Variants in PCDHGA3 observed in about 807,000 individuals in gnomAD.
The protein encoded by PCDHGA3 is protocadherin gamma-A3.
PCDHGA3 carries 40 observed loss-of-function variants against 58.5 expected under a neutral mutation model. That is an observed-to-expected ratio of 0.68 (90% CI 0.53 to 0.89). The LOEUF (loss-of-function observed/expected upper bound fraction) is 0.89, where lower values mean the gene tolerates loss of function less well. PCDHGA3 is among the 40% of genes least tolerant of loss of function. PCDHGA3 has a pLI of 0.00. For missense variants in PCDHGA3, 1,223 were observed against 1,195.9 expected (o/e 1.02, Z -0.33); for synonymous variants, 530 against 525.7 (o/e 1.01, Z -0.11).
Position 141,366,053 on chromosome 5 carries a change from G to C in PCDHGA3, c.2424+19596G>C, listed in dbSNP as rs202185929. 161 of 1,614,252 alleles carry C rather than the reference G, an allele frequency of 1.0e-4. 1 individual carries two copies. The African/African-American group carries it at 1.7e-3, about 17-fold the overall frequency. On this transcript the variant is annotated intron_variant, in intron 1 of 3. Transcript: ENST00000253812. ...CCTCCCCACAGACGGTTCCACGGGCGTGGAGCTGGCGCCTCGCTCCGCAGA... is the reference window on the plus strand; with the variant it reads ...CCTCCCCACAGACGGTTCCACGGGCCTGGAGCTGGCGCCTCGCTCCGCAGA...
At chr5:141,414,899 G>T (rs756810046) in intron 1 of PCDHGA3, 1 of 1,614,182 alleles carries the variant, frequency 6.2e-7, no homozygotes, top group Non-Finnish European at 8.5e-7. Context: ...CCCACAGACG[G>T]TTCCACAGGC....
chr5:141,385,529 T>G (rs568078652), intron 1 of PCDHGA3: 1 of 1,354,768 alleles, frequency 7.4e-7, no homozygotes, highest in South Asian at 2.0e-5. Context: ...TGGACAAGAT[T>G]ATGAATATGT....
At chr5:141,418,944 C>T in intron 1 of PCDHGA3, 1 of 1,614,026 alleles carries the variant, frequency 6.2e-7, no homozygotes, top group Non-Finnish European at 8.5e-7. Context: ...GATTCCCCTC[C>T]AGGAGTGGTT....
chr5:141,492,720 A>G (rs1161942205), intron 1 of PCDHGA3, among the ~76,000 whole-genome samples: 1 of 152,256 alleles, frequency 6.6e-6, no homozygotes, highest in East Asian at 1.9e-4. Context: ...GCAGGCGGAC[A>G]GGCAGAGCTG....
chr5:141,417,923 C>T, intron 1 of PCDHGA3: 1 of 1,608,652 alleles, frequency 6.2e-7, no homozygotes, highest in Non-Finnish European at 8.5e-7. Context: ...TCCTTTGCTG[C>T]TGCCTTTGTT....
At chr5:141,437,040 C>G (rs188070264) in intron 1 of PCDHGA3, among the ~76,000 whole-genome samples, 1 of 152,266 alleles carries the variant, frequency 6.6e-6, no homozygotes, top group African/African-American at 2.4e-5. Flanking sequence ...ATCACCGAAA[C>G]CAGAAGGCTG....
At chr5:141,409,436 C>G (rs368696166) in intron 1 of PCDHGA3, 2 of 1,613,982 alleles carry the variant, frequency 1.2e-6, no homozygotes, top group Non-Finnish European at 1.7e-6. Flanking sequence ...AGCCCTGGAC[C>G]GAGAGCAGAC....
At position 141,374,995 on chromosome 5, in the gene PCDHGA3, T is replaced by C. The variant is rs551496415; in HGVS notation, c.2424+28538T>C. ...TTTTGACTGGAGAAATTTCAACTTC[T>C]GCAAATCTAGACTATGAGGACTCGA... On this transcript the variant is annotated intron_variant, in intron 1 of 3. Transcript: ENST00000253812. 4 of 1,613,956 alleles carry C rather than the reference T, an allele frequency of 2.5e-6. No individual in the cohort carries two copies. The Admixed American group carries it at 5.0e-5, about 20-fold the overall frequency.
intron 3 of PCDHGA3, among the ~76,000 whole-genome samples, chr5:141,509,022 C>G (rs2099873807): frequency 6.6e-6 from 1 of 152,206 alleles, no homozygotes; most frequent in East Asian, 1.9e-4. Context: ...CAGCTGCTCC[C>G]TCCCACTCAA....
intron 1 of PCDHGA3, chr5:141,376,743 G>A (rs894394205): frequency 9.7e-5 from 48 of 493,300 alleles, no homozygotes; most frequent in Non-Finnish European, 1.5e-4. Flanking sequence ...GCGGACTGCA[G>A]TGGCGCAATC....
At chr5:141,458,984 C>T (rs2098958355) in intron 1 of PCDHGA3, among the ~76,000 whole-genome samples, 1 of 152,204 alleles carries the variant, frequency 6.6e-6, no homozygotes, top group Non-Finnish European at 1.5e-5. Context: ...CCTCCTGCCT[C>T]ACCCTCCCAA....
At chr5:141,395,543 TGTGTG>T in intron 1 of PCDHGA3, 1 of 8,204 alleles carries the variant, frequency 1.2e-4, no homozygotes, top group Non-Finnish European at 2.0e-4. Context: ...TGCTATTGTT[TGTGTG>T]TGTGTGTGTG....
At chr5:141,418,131 A>C (rs1421799777) in intron 1 of PCDHGA3, 1 of 1,614,044 alleles carries the variant, frequency 6.2e-7, no homozygotes, top group East Asian at 2.2e-5. Flanking sequence ...GACCGAATAG[A>C]CCGTGAGCAA....
intron 1 of PCDHGA3, chr5:141,399,995 G>T (rs1042095164): frequency 1.9e-6 from 3 of 1,612,094 alleles, no homozygotes; most frequent in Non-Finnish European, 2.5e-6. Context: ...GGAGAGGTGC[G>T]CACAGCGCGT....
intron 1 of PCDHGA3, chr5:141,420,239 C>G (rs984335177): frequency 1.3e-6 from 2 of 1,593,300 alleles, no homozygotes; most frequent in African/African-American, 2.7e-5. Flanking sequence ...CATTTTAACT[C>G]CCAGCGTTGA....
intron 1 of PCDHGA3, among the ~76,000 whole-genome samples, chr5:141,484,675 T>C (rs1179759392): frequency 6.6e-6 from 1 of 152,042 alleles, no homozygotes; most frequent in African/African-American, 2.4e-5. Context: ...GGGCCGCAGG[T>C]TGCTAGGGCT....
intron 1 of PCDHGA3, among the ~76,000 whole-genome samples, chr5:141,446,764 G>A (rs2098514605): frequency 6.6e-6 from 1 of 152,214 alleles, no homozygotes; most frequent in Non-Finnish European, 1.5e-5. Context: ...ACCGCGCCCA[G>A]CCGGTTACCA....
chr5:141,408,378 T>C lies in PCDHGA3; in HGVS notation c.2424+61921T>C, dbSNP rs1369625426. 28 of 1,613,884 alleles carry C rather than the reference T, an allele frequency of 1.7e-5. No homozygotes were observed. The South Asian group carries it at 3.0e-4, about 17-fold the overall frequency. The stretch of plus-strand genomic sequence containing the variant: ...GCTAAGGATCTAGGGCTCAGTGTCC[T>C]GGATGTGTCGGCTCGCAAGCTGCGA... On this transcript the variant is annotated intron_variant, in intron 1 of 3. Transcript: ENST00000253812.
intron 1 of PCDHGA3, chr5:141,414,951 G>A (rs1411406878): frequency 5.6e-6 from 9 of 1,614,092 alleles, no homozygotes; most frequent in Non-Finnish European, 7.6e-6. Flanking sequence ...GCTACCTGGT[G>A]ACCAAGGTGG....
Sources: allele counts gnomAD v4.1 joint callset (sites outside exome capture counted in the v4.1 genomes callset), GRCh38; gene constraint gnomAD v4.1.1; transcripts MANE v1.5; gene names NCBI Gene and HGNC (gene_info 2026-07-23, HGNC 2026-07-21).